Variants in STON2 observed in about 807,000 individuals in gnomAD.
The protein encoded by STON2 is stonin-2.
In STON2, 29 loss-of-function variants were observed where a neutral mutation model predicts 65.7. That is an observed-to-expected ratio of 0.44 (90% CI 0.33 to 0.60). The LOEUF is 0.60. Among genes scored for constraint, STON2 ranks in the 20% least tolerant of loss-of-function variants. STON2 has a pLI of 0.03. For missense variants in STON2, 1,054 were observed against 1,118.1 expected, an observed-to-expected ratio of 0.94 and a Z score of 0.82; for synonymous variants, 404 against 414.2, an observed-to-expected ratio of 0.98 and a Z score of 0.30.
chr14:81,420,601 G>A (rs115485750), intron 2 of STON2, among the ~76,000 whole-genome samples: 1 of 152,142 alleles, frequency 6.6e-6, no homozygotes, highest in Non-Finnish European at 1.5e-5. Context: ...AGTGCGATGG[G>A]TGCATAGGAG....
At chr14:81,310,370 A>T (rs1896375489) in intron 5 of STON2, among the ~76,000 whole-genome samples, 1 of 152,156 alleles carries the variant, frequency 6.6e-6, no homozygotes, top group Non-Finnish European at 1.5e-5. Context: ...GTAACTGTGA[A>T]CCCTCAAAAT....
intron 2 of STON2, among the ~76,000 whole-genome samples, chr14:81,424,979 G>A (rs1346373907): frequency 6.6e-6 from 1 of 152,172 alleles, no homozygotes; most frequent in African/African-American, 2.4e-5. Flanking sequence ...ACATACATTT[G>A]GTCCTGACAC....
chr14:81,310,347 C>T (rs192730218), intron 5 of STON2, among the ~76,000 whole-genome samples: 88 of 152,302 alleles, frequency 5.8e-4, no homozygotes, highest in African/African-American at 2.0e-3. Context: ...CACTTCTTCT[C>T]TTGCACAGAA....
Position 81,277,322 on chromosome 14 carries a change from C to G in STON2, c.2160G>C (p.Leu720=), listed in dbSNP as rs1371873145. Residue 720 remains leucine, a synonymous_variant, in exon 6 of 8, where the codon CTG becomes CTC. Coordinates refer to ENST00000614646, the MANE Select transcript of STON2 (RefSeq NM_001394390.1). ...EDVFHNSRVI[L]FNPLDACRFE... is the part of the protein sequence containing the mutation. ...ACCGGCACGCATCCAAAGGGTTGAA[C>G]AGAATGACCCGTGAGTTGTGGAAAA... 24 of 1,614,084 alleles carry G rather than the reference C, an allele frequency of 1.5e-5. No homozygotes were observed. The highest frequency in any genetic ancestry group is 1.9e-5 in the Non-Finnish European group (23 of 1,180,046).
intron 1 of STON2, among the ~76,000 whole-genome samples, chr14:81,399,465 C>T (rs566583035): frequency 2.6e-5 from 4 of 152,274 alleles, no homozygotes; most frequent in African/African-American, 9.6e-5. Flanking sequence ...AACAACTTAA[C>T]TCACAGTCTT....
chr14:81,422,585 C>G (rs1354001257), intron 2 of STON2, among the ~76,000 whole-genome samples: 1 of 152,164 alleles, frequency 6.6e-6, no homozygotes, highest in Non-Finnish European at 1.5e-5. Context: ...TAAGGGAGCT[C>G]TGAGTGTGCT....
chr14:81,417,814 A>G (rs1901511239), intron 2 of STON2, among the ~76,000 whole-genome samples: 1 of 152,208 alleles, frequency 6.6e-6, no homozygotes, highest in South Asian at 2.1e-4. Context: ...GCATGCCTAC[A>G]TAAGGGAGTG....
intron 5 of STON2, among the ~76,000 whole-genome samples, chr14:81,318,515 T>A (rs1052087445): frequency 6.6e-6 from 1 of 152,228 alleles, no homozygotes; most frequent in African/African-American, 2.4e-5. Context: ...CTTCTCCATA[T>A]CCATGCCCTT....
chr14:81,393,593 T>C (rs1486454520), intron 3 of STON2, among the ~76,000 whole-genome samples: 1 of 152,214 alleles, frequency 6.6e-6, no homozygotes. Flanking sequence ...CCATGTGTAA[T>C]ATGGATTAAT....
chr14:81,296,634 G>A (rs1009774966), intron 5 of STON2, among the ~76,000 whole-genome samples: 1 of 152,102 alleles, frequency 6.6e-6, no homozygotes, highest in Non-Finnish European at 1.5e-5. Context: ...ACATAAAGAT[G>A]AACTGTCTCC....
intron 2 of STON2, among the ~76,000 whole-genome samples, chr14:81,419,253 T>G (rs1266444199): frequency 6.6e-6 from 1 of 152,190 alleles, no homozygotes. Flanking sequence ...TAAGCTGCTA[T>G]TACTAATGAC....
chr14:81,377,218 T>C (rs558218505), intron 3 of STON2, among the ~76,000 whole-genome samples: 36 of 152,344 alleles, frequency 2.4e-4, no homozygotes, highest in African/African-American at 7.0e-4. Flanking sequence ...GTTTTTCATT[T>C]CTATAATTTT....
rs566125432 is a variant in STON2 at position 81,322,147 on chromosome 14, G to A, written c.742+1870C>T. 8.7e-4 allele frequency among the ~76,000 whole-genome samples: 132 copies of A among 152,062 alleles called. 1 individual carries two copies. The highest frequency in any genetic ancestry group is 3.1e-3 in the African/African-American group (128 of 41,488). On this transcript the variant is annotated intron_variant, in intron 5 of 7. Coordinates refer to ENST00000614646, the MANE Select transcript of STON2 (RefSeq NM_001394390.1). ...TGCCATCCCTACTGAAGTTAACAAG[G>A]GGCTGGCACTACATGGAGGAAATTT...
chr14:81,348,408 T>C (rs1388186269), intron 4 of STON2, among the ~76,000 whole-genome samples: 1 of 152,012 alleles, frequency 6.6e-6, no homozygotes, highest in African/African-American at 2.4e-5. Context: ...ATTCGGTAAA[T>C]TGGCAGGATA....
At chr14:81,272,176 T>G (rs1475926345) in intron 6 of STON2, among the ~76,000 whole-genome samples, 2 of 152,080 alleles carry the variant, frequency 1.3e-5, no homozygotes, top group Non-Finnish European at 2.9e-5. Context: ...GAGCCAAGAT[T>G]GCGCCGCTGC....
chr14:81,271,880 G>C (rs1894609538), intron 6 of STON2, among the ~76,000 whole-genome samples: 1 of 152,126 alleles, frequency 6.6e-6, no homozygotes, highest in South Asian at 2.1e-4. Context: ...AGGTCAGAAT[G>C]TTACCTTCAT....
In STON2 at chr14:81,295,536, CAAGTA is replaced by C. The variant is rs1363360357; in HGVS notation, c.743-16802_743-16798del. On this transcript the variant is annotated intron_variant, in intron 5 of 7. Coordinates refer to ENST00000614646, the MANE Select transcript of STON2 (RefSeq NM_001394390.1). The stretch of plus-strand genomic sequence containing the variant: ...GAACTTCTGAGAAAGGAAATTAAAT[CAAGTA>C]ACCACAGAATAGGGGAAAGTGGAAA... 2.0e-4 allele frequency among the ~76,000 whole-genome samples: 30 copies of C among 152,294 alleles called. No individual in the cohort carries two copies. In the South Asian group the frequency reaches 5.8e-3, roughly 29 times the overall value.
At chr14:81,311,916 T>G (rs1017314499) in intron 5 of STON2, among the ~76,000 whole-genome samples, 1 of 152,234 alleles carries the variant, frequency 6.6e-6, no homozygotes, top group Non-Finnish European at 1.5e-5. Context: ...CATGTGAGCC[T>G]TATGGTTTGG....
chr14:81,320,009 T>C (rs1184323981), intron 5 of STON2, among the ~76,000 whole-genome samples: 1 of 152,190 alleles, frequency 6.6e-6, no homozygotes, highest in Non-Finnish European at 1.5e-5. Context: ...TTATTATTGC[T>C]TATGAGTCTA....
Sources: allele counts gnomAD v4.1 joint callset (sites outside exome capture counted in the v4.1 genomes callset), GRCh38; gene constraint gnomAD v4.1.1; transcripts MANE v1.5; gene names NCBI Gene and HGNC (gene_info 2026-07-23, HGNC 2026-07-21).